The following PIK3CG variants were observed in gnomAD, a reference collection of about 807,000 sequenced individuals.
PIK3CG encodes the protein phosphatidylinositol 4,5-bisphosphate 3-kinase catalytic subunit gamma isoform.
PIK3CG carries 55 observed loss-of-function variants against 102.3 expected under a neutral mutation model. The ratio of observed to expected loss-of-function variants is 0.54; its 90% CI spans 0.43 to 0.67. The LOEUF (loss-of-function observed/expected upper bound fraction) is 0.67. Among genes scored for constraint, PIK3CG ranks in the 30% least tolerant of loss-of-function variants. The pLI is 0.00. For synonymous variants in PIK3CG, 552 were observed against 540.0 expected (o/e 1.02, Z -0.31); for missense variants, 1,258 against 1,391.8 (o/e 0.90, Z 1.53).
intron 1 of PIK3CG, among the ~76,000 whole-genome samples, chr7:106,866,294 T>A (rs1790280893): frequency 6.6e-6 from 1 of 152,240 alleles, no homozygotes; most frequent in African/African-American, 2.4e-5. Context: ...TACAATGTAG[T>A]GATACTAAAC....
chr7:106,868,975 C>A lies in PIK3CG; in HGVS notation c.1414C>A (p.Arg472Ser), dbSNP rs864622026. ...TGTGAACCTGCTGCTGATAGACCAC[C>A]GTTTCCTCCTGCGCCGTGGAGAATA... ...YYVNLLLIDH[R>S]FLLRRGEYVL... The change falls in exon 2 of 11, where the codon CGT becomes AGT. Residue 472 changes from arginine to serine, a missense_variant. Around this residue, in one of 2 missense-constraint regions of PIK3CG, gnomAD observed 832 missense variants for 787.5 expected, o/e 1.06. Transcript: ENST00000496166. This position sits in a 1 kb window ranked among gnomAD's most constrained non-coding sequence, Gnocchi z 6.2. 2 of 1,614,164 alleles carry A rather than the reference C, an allele frequency of 1.2e-6. No individual in the cohort carries two copies. Among genetic ancestry groups the A allele is most frequent in the African/African-American group, 1.3e-5 (1 of 75,046 alleles).
At position 106,902,457 on chromosome 7, in the gene PIK3CG, A is replaced by C. The variant is rs1791584034; in HGVS notation, c.3031-2652A>C. ...CACTTTAAAGCTTTTGATGCATGTT[A>C]ATCAAATTACCTGCTGGTAACATTA... On this transcript the variant is annotated intron_variant, in intron 10 of 10. Transcript: ENST00000496166. This position sits in a 1 kb window ranked among gnomAD's most constrained non-coding sequence, Gnocchi z 4.3. Among the ~76,000 whole-genome samples the C allele has an allele frequency of 6.6e-6, 1 of 152,140 alleles. No individual in the cohort carries two copies. Among genetic ancestry groups the C allele is most frequent in the Non-Finnish European group, 1.5e-5 (1 of 68,028 alleles).
At position 106,867,713 on chromosome 7, in the gene PIK3CG, G is replaced by T. The variant is rs144650421; in HGVS notation, c.152G>T (p.Cys51Phe). Reference sequence around the variant, plus strand: ...GTGCTGCCCACCAGCCAGCGCAAATGCAAGAGCCCCGAAACGGCGCTGCTG... The same window carrying T: ...GTGCTGCCCACCAGCCAGCGCAAATTCAAGAGCCCCGAAACGGCGCTGCTG... ...EFVLPTSQRK[C>F]KSPETALLHV... is the part of the protein sequence containing the mutation. The change falls in exon 2 of 11, where the codon TGC becomes TTC. Residue 51 changes from cysteine to phenylalanine, a missense_variant. By Grantham distance (205) the Cys-to-Phe change is radical. Transcript: ENST00000496166. The surrounding 1 kb of genome is among the most constrained non-coding windows in gnomAD (Gnocchi z 5.1). 10 of 1,613,060 alleles carry T rather than the reference G, an allele frequency of 6.2e-6. No individual in the cohort carries two copies. Among genetic ancestry groups the T allele is most frequent in the Admixed American group, 1.7e-5 (1 of 60,002 alleles).
intron 10 of PIK3CG, among the ~76,000 whole-genome samples, chr7:106,901,207 G>A (rs1791542100): frequency 6.7e-6 from 1 of 149,452 alleles, no homozygotes; most frequent in Non-Finnish European, 1.5e-5. Flanking sequence ...CGTAGATTTG[G>A]CCTTTTTACA....
Position 106,895,639 on chromosome 7 carries a change from G to T in PIK3CG, c.3030+9347G>T, listed in dbSNP as rs1791388745. ...CTCACCCCCTAGGCCTTTACTAAGA[G>T]ACCTTGTGGGCAGATGGTCTAGAGG... On this transcript the variant is annotated intron_variant, in intron 10 of 10. Coordinates refer to ENST00000496166, the MANE Select transcript of PIK3CG (RefSeq NM_001282426.2). This position sits in a 1 kb window ranked among gnomAD's most constrained non-coding sequence, Gnocchi z 5.4. 2.0e-5 allele frequency among the ~76,000 whole-genome samples: 3 copies of T among 152,176 alleles called. No homozygotes were observed. The highest frequency in any genetic ancestry group is 2.0e-4 in the Admixed American group (3 of 15,284).
intron 5 of PIK3CG, among the ~76,000 whole-genome samples, chr7:106,875,846 T>C (rs1386361077): frequency 6.6e-6 from 1 of 152,094 alleles, no homozygotes; most frequent in African/African-American, 2.4e-5. Flanking sequence ...TCCAGCAATG[T>C]ATACGATGAG....
Position 106,899,436 on chromosome 7 carries a change from G to C in PIK3CG, c.3031-5673G>C, listed in dbSNP as rs1197285360. 2.0e-5 allele frequency among the ~76,000 whole-genome samples: 3 copies of C among 152,158 alleles called. No homozygotes were observed. Among genetic ancestry groups the C allele is most frequent in the Non-Finnish European group, 4.4e-5 (3 of 68,018 alleles). On this transcript the variant is annotated intron_variant, in intron 10 of 10. Transcript: ENST00000496166. The surrounding 1 kb of genome is among the most constrained non-coding windows in gnomAD (Gnocchi z 4.6). ...TGGTGAGAGAGGGGTTCCTTGTCTTGTGCCAGTTTTCAAGGGGAATGCTTC... is the reference window on the plus strand; with the variant it reads ...TGGTGAGAGAGGGGTTCCTTGTCTTCTGCCAGTTTTCAAGGGGAATGCTTC...
At position 106,875,359 on chromosome 7, in the gene PIK3CG, C is replaced by CAA. The variant is rs35537666; in HGVS notation, c.2391+571_2391+572dup. 2.1e-3 allele frequency among the ~76,000 whole-genome samples: 260 copies of CAA among 126,600 alleles called. 1 individual carries two copies. The highest frequency in any genetic ancestry group is 5.2e-3 in the African/African-American group (168 of 32,294). The allele number at this position is 126,600 out of a possible 152,430, so 83.1% of individuals were successfully genotyped here. ...TGGGTGACAGAGCAAGACTCCGTCTCAAAAAAAAAAAAAAAAGTAGAATTC... is the reference window on the plus strand; with the variant it reads ...TGGGTGACAGAGCAAGACTCCGTCTCAAAAAAAAAAAAAAAAAAGTAGAATTC... On this transcript the variant is annotated intron_variant, in intron 5 of 10. Transcript: ENST00000496166.
In PIK3CG at chr7:106,902,545, T is replaced by TA. The variant is rs763562133; in HGVS notation, c.3031-2552dup. ...ACATTGGGTATTGTCCTTAAAAGAC[T>TA]AAAAAAAAAAAAGTCCAGTTTTTAG... On this transcript the variant is annotated intron_variant, in intron 10 of 10. Transcript: ENST00000496166. This position sits in a 1 kb window ranked among gnomAD's most constrained non-coding sequence, Gnocchi z 4.3. 5.0e-4 allele frequency among the ~76,000 whole-genome samples: 72 copies of TA among 142,790 alleles called. No homozygotes were observed. Among genetic ancestry groups the TA allele is most frequent in the South Asian group, 6.6e-4 (3 of 4,532 alleles). The allele number at this position is 142,790 out of a possible 152,430, so 93.7% of individuals were successfully genotyped here. A position where few individuals can be genotyped will look rare whatever the true frequency, so the allele number is the denominator to read the frequency against.
rs190255082 is a variant in PIK3CG at position 106,877,402 on chromosome 7, C to T, written c.2392-2117C>T. Among the ~76,000 whole-genome samples, 375 of 152,258 alleles carry T rather than the reference C, an allele frequency of 2.5e-3. 3 individuals carry two copies. Among genetic ancestry groups the T allele is most frequent in the African/African-American group, 8.4e-3 (347 of 41,542 alleles). On this transcript the variant is annotated intron_variant, in intron 5 of 10. Transcript: ENST00000496166. This position sits in a 1 kb window ranked among gnomAD's most constrained non-coding sequence, Gnocchi z 4.5. ...ATAGTCCCCCAGAACCAACACTATC[C>T]ACCCCAAAATGGCAACAGTGCCAAG...
chr7:106,890,124 G>A lies in PIK3CG; in HGVS notation c.3030+3832G>A, dbSNP rs912950511. 6.6e-6 allele frequency among the ~76,000 whole-genome samples: 1 copy of A among 152,188 alleles called. No individual in the cohort carries two copies. The highest frequency in any genetic ancestry group is 2.4e-5 in the African/African-American group (1 of 41,448). On this transcript the variant is annotated intron_variant, in intron 10 of 10. Transcript: ENST00000496166. This position sits in a 1 kb window ranked among gnomAD's most constrained non-coding sequence, Gnocchi z 4.2. ...ATAAACAAATGTATTTATATCATTG[G>A]CAAATGAAATTTGGCTTCTAAGTTT...
At position 106,895,113 on chromosome 7, in the gene PIK3CG, A is replaced by G. The variant is rs557042032; in HGVS notation, c.3030+8821A>G. On this transcript the variant is annotated intron_variant, in intron 10 of 10. Coordinates refer to ENST00000496166, the MANE Select transcript of PIK3CG (RefSeq NM_001282426.2). The surrounding 1 kb of genome is among the most constrained non-coding windows in gnomAD (Gnocchi z 5.4). ...GTTCTAGCTAATGGCATTAATAATA[A>G]TGTAATGTTCCCCACATTTGTAGTC... 6.6e-6 allele frequency among the ~76,000 whole-genome samples: 1 copy of G among 152,332 alleles called. No homozygotes were observed. Among genetic ancestry groups the G allele is most frequent in the African/African-American group, 2.4e-5 (1 of 41,578 alleles).
intron 10 of PIK3CG, among the ~76,000 whole-genome samples, chr7:106,888,475 C>T (rs1791171087): frequency 6.6e-6 from 1 of 152,124 alleles, no homozygotes. Context: ...GGTTTCTTCC[C>T]ACTATCGGCA....
Position 106,877,612 on chromosome 7 carries a change from C to CT in PIK3CG, c.2392-1906dup, listed in dbSNP as rs143439501. ...TTTTCAGCACCATGTGTTGAAAAGA[C>CT]TGTTTTGTTTTGTTTTGTTTTGTTT... On this transcript the variant is annotated intron_variant, in intron 5 of 10. Transcript: ENST00000496166. This position sits in a 1 kb window ranked among gnomAD's most constrained non-coding sequence, Gnocchi z 4.5. Among the ~76,000 whole-genome samples the CT allele has an allele frequency of 6.6e-6, 1 of 150,434 alleles. No homozygotes were observed. The highest frequency in any genetic ancestry group is 1.5e-5 in the Non-Finnish European group (1 of 67,570).
chr7:106,867,969 C>G lies in PIK3CG; in HGVS notation c.408C>G (p.His136Gln), dbSNP rs1584315597. 1.2e-6 allele frequency: 2 copies of G among 1,612,412 alleles called. No homozygotes were observed. The highest frequency in any genetic ancestry group is 1.7e-6 in the Non-Finnish European group (2 of 1,179,354). ...KATHRSPGQI[H>Q]LVQRHPPSEE... ...CGCACCGGAGCCCGGGCCAGATCCA[C>G]CTGGTGCAGCGGCACCCGCCCTCCG... Residue 136 changes from histidine to glutamine, a missense_variant, in exon 2 of 11, where the codon CAC becomes CAG. This residue lies in a region of PIK3CG where 832 missense variants were observed against 787.5 expected (regional missense o/e 1.06). Transcript: ENST00000496166. The surrounding 1 kb of genome is among the most constrained non-coding windows in gnomAD (Gnocchi z 5.1).
intron 10 of PIK3CG, among the ~76,000 whole-genome samples, chr7:106,898,098 CATTG>C: frequency 6.6e-6 from 1 of 151,854 alleles, no homozygotes; most frequent in African/African-American, 2.4e-5. Flanking sequence ...GATGGTATCT[CATTG>C]TGCTTTTGAT....
At chr7:106,900,747 G>A (rs1291200239) in intron 10 of PIK3CG, among the ~76,000 whole-genome samples, 1 of 152,172 alleles carries the variant, frequency 6.6e-6, no homozygotes. Context: ...TGTAAGGCAG[G>A]TCTGGTGGGA....
In PIK3CG at chr7:106,869,488, A is replaced by G. The variant is rs28763989; in HGVS notation, c.1927A>G (p.Ile643Val). 4.3e-3 allele frequency: 6,931 copies of G among 1,614,194 alleles called. 200 individuals carry two copies. In the African/African-American group the frequency reaches 0.069, roughly 16 times the overall value. The change falls in exon 2 of 11, where the codon ATT becomes GTT. Residue 643 changes from isoleucine (I) to valine (V), a missense_variant. Around this residue, in one of 2 missense-constraint regions of PIK3CG, gnomAD observed 426 missense variants for 604.2 expected, o/e 0.71. Coordinates refer to ENST00000496166, the MANE Select transcript of PIK3CG (RefSeq NM_001282426.2). The surrounding 1 kb of genome is among the most constrained non-coding windows in gnomAD (Gnocchi z 5.3). ...CTTCTCAGATGAAAATGTAAGAGCCATTGCAGTTCAGAAACTGGAGAGCTT... is the reference window on the plus strand; with the variant it reads ...CTTCTCAGATGAAAATGTAAGAGCCGTTGCAGTTCAGAAACTGGAGAGCTT... ...CNFSDENVRAIAVQKLESLED... is the reference protein window; with the variant it reads ...CNFSDENVRAVAVQKLESLED...
chr7:106,901,458 A>C (rs1791551827), intron 10 of PIK3CG, among the ~76,000 whole-genome samples: 1 of 152,170 alleles, frequency 6.6e-6, no homozygotes, highest in African/African-American at 2.4e-5. Flanking sequence ...CAGTTCCTGC[A>C]TCACTTTATT....
Sources: allele counts gnomAD v4.1 joint callset (sites outside exome capture counted in the v4.1 genomes callset), GRCh38; gene constraint gnomAD v4.1.1; regional missense constraint gnomAD v4.1.1; non-coding constraint Gnocchi (gnomAD v3.1); transcripts MANE v1.5; gene names NCBI Gene and HGNC (gene_info 2026-07-23, HGNC 2026-07-21).